The following LRRC58 variants were observed in gnomAD, a reference collection of about 807,000 sequenced individuals.
LRRC58 encodes leucine rich repeat containing 58, also known as leucine-rich repeat-containing protein 58.
A neutral mutation model predicts 30.6 loss-of-function variants in LRRC58; 18 were observed. The observed-to-expected ratio is 0.59, with a 90% CI of 0.41 to 0.87. LRRC58 has a LOEUF of 0.87. Ranked by LOEUF, LRRC58 falls within the 40% of genes least tolerant of loss-of-function variation. The pLI, the probability that LRRC58 is intolerant of heterozygous loss-of-function variation, is 0.00. For synonymous variants in LRRC58, 221 were observed against 206.0 expected (o/e 1.07, Z -0.62); for missense variants, 420 against 468.4 (o/e 0.90, Z 0.95).
Position 120,335,001 on chromosome 3 carries a change from G to A in LRRC58, c.768C>T (p.Thr256=), listed in dbSNP as rs1392843959. The A allele has an allele frequency of 2.5e-5, 40 of 1,613,754 alleles. No homozygotes were observed. In the East Asian group the frequency reaches 8.9e-4, roughly 36 times the overall value. The change falls in exon 3 of 4, where the codon ACC becomes ACT. Residue 256 remains threonine, a synonymous_variant. Transcript: ENST00000295628. ...ATTCCAGGAGAGTTGGAGGATCATA[G>A]GTTAAATCTCTAACAAAACGAACAA... ...PLVVRFVRDL[T]YDPPTLLELA... is the part of the protein sequence containing the mutation.
intron 1 of LRRC58, among the ~76,000 whole-genome samples, chr3:120,347,803 T>C (rs1479134499): frequency 6.6e-6 from 1 of 152,244 alleles, no homozygotes; most frequent in Non-Finnish European, 1.5e-5. Flanking sequence ...AGATGGAAGA[T>C]ACCTCTTTTT....
In LRRC58 at chr3:120,348,844, C is replaced by G; in HGVS notation, c.400G>C (p.Glu134Gln). 1 of 1,604,492 alleles carries G rather than the reference C, an allele frequency of 6.2e-7. No individual in the cohort carries two copies. Among genetic ancestry groups the G allele is most frequent in the East Asian group, 2.2e-5 (1 of 44,520 alleles). The part of the protein sequence containing the change: ...VLNLSGNCFQ[E>Q]VPASLLELRA... ...AGCTCTAAGAGCGAGGCAGGCACCT[C>G]CTGGAAACAGTTGCCGCTGAGGTTG... Residue 134 changes from glutamate to glutamine, a missense_variant, in exon 1 of 4, where the codon GAG (glutamate) becomes CAG (glutamine). By Grantham distance (29) the Glu-to-Gln change is conservative. Around this residue, in one of 2 missense-constraint regions of LRRC58, gnomAD observed 266 missense variants for 251.7 expected, o/e 1.06. Coordinates refer to ENST00000295628, the MANE Select transcript of LRRC58 (RefSeq NM_001099678.2).
chr3:120,347,379 CTTTTTTTTTT>C (rs796116731), intron 1 of LRRC58, among the ~76,000 whole-genome samples: 1 of 54,828 alleles, frequency 1.8e-5, no homozygotes, highest in Non-Finnish European at 3.5e-5. Flanking sequence ...GGCCAATATT[CTTTTTTTTTT>C]TTTTTTTTTT....
In LRRC58 at chr3:120,325,843, C is replaced by CA. The variant is rs1009910673; in HGVS notation, c.*5356dup. 3.6e-4 allele frequency: 55 copies of CA among 152,252 alleles called. No homozygotes were observed. The highest frequency in any genetic ancestry group is 1.3e-3 in the African/African-American group (54 of 41,564). The allele number at this position is 152,252 out of a possible 1,614,324, so 9.4% of individuals were successfully genotyped here. A position where few individuals can be genotyped will look rare whatever the true frequency, so the allele number is the denominator to read the frequency against. ...TAATATATAACAGAACATATCTTTTCAGTGATTTTATTTCAGGGGACCCTG... is the reference window on the plus strand; with the variant it reads ...TAATATATAACAGAACATATCTTTTCAAGTGATTTTATTTCAGGGGACCCTG... On this transcript the variant is annotated 3_prime_UTR_variant, in exon 4 of 4. Transcript: ENST00000295628.
At chr3:120,343,263 A>C (rs1319002577) in intron 1 of LRRC58, among the ~76,000 whole-genome samples, 1 of 152,244 alleles carries the variant, frequency 6.6e-6, no homozygotes, top group Non-Finnish European at 1.5e-5. Flanking sequence ...TTCTAACTCA[A>C]ATAATTTCCA....
intron 1 of LRRC58, among the ~76,000 whole-genome samples, chr3:120,343,788 C>G (rs553178233): frequency 2.0e-5 from 3 of 152,102 alleles, no homozygotes; most frequent in Non-Finnish European, 4.4e-5. Flanking sequence ...CCAGCACTTT[C>G]GGAAGCTGAG....
In LRRC58 at chr3:120,349,348, C is replaced by T; in HGVS notation, c.-105G>A. 8.4e-7 allele frequency: 1 copy of T among 1,196,518 alleles called. No homozygotes were observed. Among genetic ancestry groups the T allele is most frequent in the Non-Finnish European group, 1.1e-6 (1 of 931,948 alleles). The allele number at this position is 1,196,518 out of a possible 1,614,324, so 74.1% of individuals were successfully genotyped here. ...CCGGAACCTGAACCGAGGGCTGAGTCGGAAGTGGCGCGGGCGGGCGCAAAC... is the reference window on the plus strand; with the variant it reads ...CCGGAACCTGAACCGAGGGCTGAGTTGGAAGTGGCGCGGGCGGGCGCAAAC... On this transcript the variant is annotated 5_prime_UTR_variant, in exon 1 of 4. Coordinates refer to ENST00000295628, the MANE Select transcript of LRRC58 (RefSeq NM_001099678.2).
At chr3:120,335,173 T>C in intron 2 of LRRC58, 34 bp from the exon 3 acceptor site, 3 of 1,567,256 alleles carry the variant, frequency 1.9e-6, no homozygotes, top group Non-Finnish European at 2.6e-6. Context: ...TCAATGGCAG[T>C]AAACAACGTA....
rs1378914434 is a variant in LRRC58 at position 120,326,033 on chromosome 3, A to C, written c.*5167T>G. The C allele has an allele frequency of 6.6e-6, 1 of 152,174 alleles. No homozygotes were observed. The highest frequency in any genetic ancestry group is 1.5e-5 in the Non-Finnish European group (1 of 68,026). The allele number at this position is 152,174 out of a possible 1,614,324, so 9.4% of individuals were successfully genotyped here. ...AAAGGTAACAAGGCTGTCACAAACA[A>C]CTTATTAAATAATATAGCTCTCCAA... On this transcript the variant is annotated 3_prime_UTR_variant, in exon 4 of 4. Coordinates refer to ENST00000295628, the MANE Select transcript of LRRC58 (RefSeq NM_001099678.2).
chr3:120,333,193 T>C (rs1935783350), intron 3 of LRRC58, among the ~76,000 whole-genome samples: 1 of 152,104 alleles, frequency 6.6e-6, no homozygotes, highest in Non-Finnish European at 1.5e-5. Context: ...GGCCTTAAGC[T>C]GGTAATTTTT....
chr3:120,333,431 A>C (rs923013559), intron 3 of LRRC58, among the ~76,000 whole-genome samples: 1 of 152,262 alleles, frequency 6.6e-6, no homozygotes, highest in African/African-American at 2.4e-5. Context: ...AGAGAAAAGC[A>C]CAGTGCTGCA....
rs1935706122 is a variant in LRRC58 at position 120,328,027 on chromosome 3, G to A, written c.*3173C>T. 6.6e-6 allele frequency: 1 copy of A among 152,178 alleles called. No individual in the cohort carries two copies. Among genetic ancestry groups the A allele is most frequent in the African/African-American group, 2.4e-5 (1 of 41,440 alleles). 9.4% of individuals were successfully genotyped at this position (152,178 alleles called of 1,614,324 possible). On this transcript the variant is annotated 3_prime_UTR_variant, in exon 4 of 4. Coordinates refer to ENST00000295628, the MANE Select transcript of LRRC58 (RefSeq NM_001099678.2). ...CTCCCAAAGTGCTAAGATTATAGGT[G>A]TGTGCCACCGTGCCAAGTCTTTACT... is the stretch of plus-strand genomic sequence containing the variant.
At position 120,329,630 on chromosome 3, in the gene LRRC58, TG is replaced by T. The variant is rs1935726623; in HGVS notation, c.*1569del. ...TTTCTTCTAAAATAAAAAATATATA[TG>T]AAAAAAACCCTAATACATGTATATG... On this transcript the variant is annotated 3_prime_UTR_variant, in exon 4 of 4. Coordinates refer to ENST00000295628, the MANE Select transcript of LRRC58 (RefSeq NM_001099678.2). 1 of 151,584 alleles carries T rather than the reference TG, an allele frequency of 6.6e-6. No homozygotes were observed. Among genetic ancestry groups the T allele is most frequent in the East Asian group, 1.9e-4 (1 of 5,194 alleles). 9.4% of individuals were successfully genotyped at this position (151,584 alleles called of 1,614,324 possible). A position where few individuals can be genotyped will look rare whatever the true frequency, so the allele number is the denominator to read the frequency against.
intron 1 of LRRC58, among the ~76,000 whole-genome samples, chr3:120,339,917 G>A (rs1254777974): frequency 6.6e-6 from 1 of 152,012 alleles, no homozygotes; most frequent in Non-Finnish European, 1.5e-5. Flanking sequence ...AGGCTGGAGT[G>A]CAGTGGCACG....
In LRRC58 at chr3:120,328,339, C is replaced by T. The variant is rs1935709717; in HGVS notation, c.*2861G>A. ...TTTGGTGATGCTGAGAGAATTGATT[C>T]TAGGGATAAAGACTACTAAGAATGC... is the stretch of plus-strand genomic sequence containing the variant. On this transcript the variant is annotated 3_prime_UTR_variant, in exon 4 of 4. Transcript: ENST00000295628. 6.6e-6 allele frequency: 1 copy of T among 152,134 alleles called. No homozygotes were observed. Among genetic ancestry groups the T allele is most frequent in the South Asian group, 2.1e-4 (1 of 4,836 alleles). 9.4% of individuals were successfully genotyped at this position (152,134 alleles called of 1,614,324 possible). A position where few individuals can be genotyped will look rare whatever the true frequency, so the allele number is the denominator to read the frequency against.
In LRRC58 at chr3:120,348,697, C is replaced by G. The variant is rs373518842; in HGVS notation, c.500+47G>C. 52 of 1,492,086 alleles carry G rather than the reference C, an allele frequency of 3.5e-5. 1 individual carries two copies. In the African/African-American group the frequency reaches 7.3e-4, roughly 21 times the overall value. The allele number at this position is 1,492,086 out of a possible 1,614,324, so 92.4% of individuals were successfully genotyped here. ...CCCAGGCCCGGCGCCCCAGGGTTCC[C>G]GGACACCGCCCGAGGCCTCCCCACC... On this transcript the variant is annotated intron_variant, in intron 1 of 3. Transcript: ENST00000295628.
At position 120,348,839 on chromosome 3, in the gene LRRC58, C is replaced by G; in HGVS notation, c.405G>C (p.Val135=). The G allele has an allele frequency of 6.2e-7, 1 of 1,604,868 alleles. No individual in the cohort carries two copies. The highest frequency in any genetic ancestry group is 8.5e-7 in the Non-Finnish European group (1 of 1,176,430). Residue 135 remains valine, a synonymous_variant, in exon 1 of 4, where the codon GTG becomes GTC. Coordinates refer to ENST00000295628, the MANE Select transcript of LRRC58 (RefSeq NM_001099678.2). ...LNLSGNCFQE[V]PASLLELRAL... ...CGCGCAGCTCTAAGAGCGAGGCAGG[C>G]ACCTCCTGGAAACAGTTGCCGCTGA... is the stretch of plus-strand genomic sequence containing the variant.
At chr3:120,332,210 T>C (rs1259311902) in intron 3 of LRRC58, among the ~76,000 whole-genome samples, 1 of 152,224 alleles carries the variant, frequency 6.6e-6, no homozygotes, top group African/African-American at 2.4e-5. Flanking sequence ...ATCTAGAATT[T>C]TGGTCCAATC....
Position 120,329,887 on chromosome 3 carries a change from T to C in LRRC58, c.*1313A>G, listed in dbSNP as rs942502741. 7 of 152,040 alleles carry C rather than the reference T, an allele frequency of 4.6e-5. No homozygotes were observed. Among genetic ancestry groups the C allele is most frequent in the Non-Finnish European group, 1.0e-4 (7 of 67,908 alleles). 9.4% of individuals were successfully genotyped at this position (152,040 alleles called of 1,614,324 possible). The stretch of plus-strand genomic sequence containing the variant: ...CAATTTGTATTGCATATTAAAGTAC[T>C]TAATAAAAATTTGGTAATTTCTAAT... On this transcript the variant is annotated 3_prime_UTR_variant, in exon 4 of 4. Coordinates refer to ENST00000295628, the MANE Select transcript of LRRC58 (RefSeq NM_001099678.2).
Sources: allele counts gnomAD v4.1 joint callset (sites outside exome capture counted in the v4.1 genomes callset), GRCh38; gene constraint gnomAD v4.1.1; regional missense constraint gnomAD v4.1.1; transcripts MANE v1.5; gene names NCBI Gene and HGNC (gene_info 2026-07-23, HGNC 2026-07-21).